The following TPBGL variants were observed in gnomAD, a reference collection of about 807,000 sequenced individuals.
The protein encoded by TPBGL is trophoblast glycoprotein-like.
For missense variants in TPBGL, 685 were observed against 609.4 expected, an observed-to-expected ratio of 1.12 and a Z score of -1.31; for synonymous variants, 380 against 314.8, an observed-to-expected ratio of 1.21 and a Z score of -2.19.
At position 75,241,931 on chromosome 11, in the gene TPBGL, A is replaced by T. The variant is rs1175877891; in HGVS notation, c.882A>T (p.Gly294=). The T allele has an allele frequency of 5.6e-5, 83 of 1,482,376 alleles. No individual in the cohort carries two copies. The highest frequency in any genetic ancestry group is 7.2e-5 in the Non-Finnish European group (81 of 1,118,990). 91.8% of individuals were successfully genotyped at this position (1,482,376 alleles called of 1,614,324 possible). The change falls in exon 1 of 1, where the codon GGA becomes GGT. Residue 294 remains glycine (G), a synonymous_variant. Transcript: ENST00000562197. ...RCADSGADAR[G]EEAEAAGPEL... ...CGGACAGCGGCGCCGACGCTCGCGG[A>T]GAGGAGGCGGAGGCCGCCGGCCCGG...
At position 75,241,710 on chromosome 11, in the gene TPBGL, GAT is replaced by G; in HGVS notation, c.662_663del (p.Asp221GlyfsTer193). Reference sequence around the variant, plus strand: ...CGACGAGCTGCGCGCGCTGGAGCGCGATGGCGGCCTCCCCGGGCCGCGCCTGC... The same window carrying G: ...CGACGAGCTGCGCGCGCTGGAGCGCGGGCGGCCTCCCCGGGCCGCGCCTGC... ...DPDELRALER[D>X]GGLPGPRLLL... On this transcript the variant is annotated frameshift_variant, in exon 1 of 1. Coordinates refer to ENST00000562197, the MANE Select transcript of TPBGL (RefSeq NM_001195528.2). LOFTEE classifies it low-confidence loss of function (END_TRUNC). 1 of 1,265,926 alleles carries G rather than the reference GAT, an allele frequency of 7.9e-7. No individual in the cohort carries two copies. The highest frequency in any genetic ancestry group is 1.0e-6 in the Non-Finnish European group (1 of 1,004,302). 78.4% of individuals were successfully genotyped at this position (1,265,926 alleles called of 1,614,324 possible). A position where few individuals can be genotyped will look rare whatever the true frequency, so the allele number is the denominator to read the frequency against.
Position 75,242,159 on chromosome 11 carries a change from C to A in TPBGL, c.1110C>A (p.Pro370=), listed in dbSNP as rs1380259980. The A allele has an allele frequency of 4.2e-6, 5 of 1,188,740 alleles. No individual in the cohort carries two copies. Among genetic ancestry groups the A allele is most frequent in the Non-Finnish European group, 5.2e-6 (5 of 963,920 alleles). 73.6% of individuals were successfully genotyped at this position (1,188,740 alleles called of 1,614,324 possible). ...GCCGCGCGCCCGCGCCCGCCGCGCC[C>A]GCGGGCTCCCGCGCCACCTCCCCGG... ...DPRRAPAPAA[P]AGSRATSPGS... Residue 370 remains proline (P), a synonymous_variant, in exon 1 of 1, where the codon CCC becomes CCA. Coordinates refer to ENST00000562197, the MANE Select transcript of TPBGL (RefSeq NM_001195528.2).
Position 75,240,928 on chromosome 11 carries a change from G to A in TPBGL, c.-122G>A, listed in dbSNP as rs901646025. The A allele has an allele frequency of 3.1e-6, 2 of 654,430 alleles. No homozygotes were observed. The highest frequency in any genetic ancestry group is 4.8e-5 in the Admixed American group (1 of 20,900). 40.5% of individuals were successfully genotyped at this position (654,430 alleles called of 1,614,324 possible). On this transcript the variant is annotated 5_prime_UTR_variant, in exon 1 of 1. Transcript: ENST00000562197. ...TCCTCAGACTTTCGAGACAGCGAAC[G>A]GACCGACCGGGACTGCCAGCCGCTC... is the stretch of plus-strand genomic sequence containing the variant.
In TPBGL at chr11:75,241,389, T is replaced by C; in HGVS notation, c.340T>C (p.Phe114Leu). 1 of 1,370,378 alleles carries C rather than the reference T, an allele frequency of 7.3e-7. No individual in the cohort carries two copies. Among genetic ancestry groups the C allele is most frequent in the Non-Finnish European group, 9.4e-7 (1 of 1,062,336 alleles). The allele number at this position is 1,370,378 out of a possible 1,614,324, so 84.9% of individuals were successfully genotyped here. Reference sequence around the variant, plus strand: ...CATCGAGGTGGTGGAGGACGGCGCCTTCGACGGGCTGCCCAGCCTGGCGGC... The same window carrying C: ...CATCGAGGTGGTGGAGGACGGCGCCCTCGACGGGCTGCCCAGCCTGGCGGC... ...NHIEVVEDGA[F>L]DGLPSLAALD... The change falls in exon 1 of 1, where the codon TTC (phenylalanine) becomes CTC (leucine). Residue 114 changes from phenylalanine (F) to leucine (L), a missense_variant. Phe to Leu is a conservative substitution (Grantham distance 22, BLOSUM62 0). Coordinates refer to ENST00000562197, the MANE Select transcript of TPBGL (RefSeq NM_001195528.2).
rs1327579594 is a variant in TPBGL, at chr11:75,241,209, C to G, written c.160C>G (p.Arg54Gly). Residue 54 changes from arginine (R) to glycine (G), a missense_variant, in exon 1 of 1, where the codon CGG (arginine) becomes GGG (glycine). Coordinates refer to ENST00000562197, the MANE Select transcript of TPBGL (RefSeq NM_001195528.2). ...ASGAELRQPP[R>G]DVPPDARNLT... The stretch of plus-strand genomic sequence containing the variant: ...GGGAGCCGAGCTCCGCCAGCCTCCG[C>G]GGGACGTGCCGCCCGACGCGCGCAA... 39 of 1,444,786 alleles carry G rather than the reference C, an allele frequency of 2.7e-5. No individual in the cohort carries two copies. Among genetic ancestry groups the G allele is most frequent in the Non-Finnish European group, 3.5e-5 (39 of 1,101,378 alleles). 89.5% of individuals were successfully genotyped at this position (1,444,786 alleles called of 1,614,324 possible).
rs1945595016 is a variant in TPBGL at position 75,241,204 on chromosome 11, C to T, written c.155C>T (p.Pro52Leu). 6.9e-7 allele frequency: 1 copy of T among 1,447,542 alleles called. No homozygotes were observed. The highest frequency in any genetic ancestry group is 1.5e-5 in the African/African-American group (1 of 67,484). 89.7% of individuals were successfully genotyped at this position (1,447,542 alleles called of 1,614,324 possible). Residue 52 changes from proline to leucine, a missense_variant, in exon 1 of 1, where the codon CCT becomes CTT. Coordinates refer to ENST00000562197, the MANE Select transcript of TPBGL (RefSeq NM_001195528.2). The stretch of plus-strand genomic sequence containing the variant: ...GCGTCGGGAGCCGAGCTCCGCCAGC[C>T]TCCGCGGGACGTGCCGCCCGACGCG... ...RCASGAELRQPPRDVPPDARN... is the reference protein window; with the variant it reads ...RCASGAELRQLPRDVPPDARN...
At position 75,240,893 on chromosome 11, in the gene TPBGL, T is replaced by C; in HGVS notation, c.-157T>C. 2.4e-6 allele frequency: 1 copy of C among 420,248 alleles called. No homozygotes were observed. Among genetic ancestry groups the C allele is most frequent in the Non-Finnish European group, 3.8e-6 (1 of 266,590 alleles). 26.0% of individuals were successfully genotyped at this position (420,248 alleles called of 1,614,324 possible). ...CTCTTGCCCCCGGCCAGTCAGCCAG[T>C]AAGTGCGGCTCCTCAGACTTTCGAG... On this transcript the variant is annotated 5_prime_UTR_variant, in exon 1 of 1. Coordinates refer to ENST00000562197, the MANE Select transcript of TPBGL (RefSeq NM_001195528.2).
chr11:75,241,970 C>T lies in TPBGL; in HGVS notation c.921C>T (p.Ser307=), dbSNP rs751450115. 1.3e-5 allele frequency: 19 copies of T among 1,499,550 alleles called. No individual in the cohort carries two copies. The highest frequency in any genetic ancestry group is 2.1e-5 in the Admixed American group (1 of 47,660). The allele number at this position is 1,499,550 out of a possible 1,614,324, so 92.9% of individuals were successfully genotyped here. Residue 307 remains serine (S), a synonymous_variant, in exon 1 of 1, where the codon TCC becomes TCT. Transcript: ENST00000562197. ...CCGCCGGCCCGGAGCTGGAAGCCTC[C>T]TACGTGTTCTTCGGGCTGGTGCTGG... ...AEAAGPELEA[S]YVFFGLVLAL... is the part of the protein sequence containing the mutation.
Position 75,241,817 on chromosome 11 carries a change from G to T in TPBGL, c.768G>T (p.Val256=). 1 of 1,289,864 alleles carries T rather than the reference G, an allele frequency of 7.8e-7. No homozygotes were observed. The highest frequency in any genetic ancestry group is 9.8e-7 in the Non-Finnish European group (1 of 1,022,528). The allele number at this position is 1,289,864 out of a possible 1,614,324, so 79.9% of individuals were successfully genotyped here. The change falls in exon 1 of 1, where the codon GTG becomes GTT. Residue 256 remains valine (V), a synonymous_variant. Transcript: ENST00000562197. ...GGCTGCGCAACGCCACGGAGCGCGT[G>T]CCCGACTCGCGGCGCCTGCGCTGCG... ...LAWLRNATER[V]PDSRRLRCAA... is the part of the protein sequence containing the mutation.
rs1202774789 is a variant in TPBGL at position 75,241,106 on chromosome 11, G to A, written c.57G>A (p.Ala19=). 2 of 1,384,032 alleles carry A rather than the reference G, an allele frequency of 1.4e-6. No homozygotes were observed. The highest frequency in any genetic ancestry group is 1.9e-6 in the Non-Finnish European group (2 of 1,065,690). 85.7% of individuals were successfully genotyped at this position (1,384,032 alleles called of 1,614,324 possible). ...GLQGLLLVAA[A]LSQPAAPCPF... is the part of the protein sequence containing the mutation. The stretch of plus-strand genomic sequence containing the variant: ...AGGGGCTGCTGCTCGTGGCGGCGGC[G>A]CTGAGCCAGCCCGCGGCACCCTGCC... Residue 19 remains alanine, a synonymous_variant, in exon 1 of 1, where the codon GCG becomes GCA. Coordinates refer to ENST00000562197, the MANE Select transcript of TPBGL (RefSeq NM_001195528.2).
Position 75,241,433 on chromosome 11 carries a change from C to A in TPBGL, c.384C>A (p.Asn128Lys). ...PSLAALDLSH[N>K]PLRALGGGAF... The stretch of plus-strand genomic sequence containing the variant: ...TGGCGGCGCTCGACCTCAGCCACAA[C>A]CCGCTGCGCGCCCTGGGCGGCGGCG... Residue 128 changes from asparagine (N) to lysine (K), a missense_variant, in exon 1 of 1, where the codon AAC becomes AAA. By Grantham distance (94) the Asn-to-Lys change is moderately conservative. Coordinates refer to ENST00000562197, the MANE Select transcript of TPBGL (RefSeq NM_001195528.2). 2.3e-6 allele frequency: 3 copies of A among 1,305,500 alleles called. No individual in the cohort carries two copies. Among genetic ancestry groups the A allele is most frequent in the Non-Finnish European group, 2.9e-6 (3 of 1,028,652 alleles). The allele number at this position is 1,305,500 out of a possible 1,614,324, so 80.9% of individuals were successfully genotyped here. A position where few individuals can be genotyped will look rare whatever the true frequency, so the allele number is the denominator to read the frequency against.
In TPBGL at chr11:75,240,954, C is replaced by A; in HGVS notation, c.-96C>A. ...GACCGACCGGGACTGCCAGCCGCTC[C>A]GGGTCAAGGACTCGCCCCACCCGTG... On this transcript the variant is annotated 5_prime_UTR_variant, in exon 1 of 1. Coordinates refer to ENST00000562197, the MANE Select transcript of TPBGL (RefSeq NM_001195528.2). 1 of 936,232 alleles carries A rather than the reference C, an allele frequency of 1.1e-6. No individual in the cohort carries two copies. Among genetic ancestry groups the A allele is most frequent in the Non-Finnish European group, 1.4e-6 (1 of 733,800 alleles). The allele number at this position is 936,232 out of a possible 1,614,324, so 58.0% of individuals were successfully genotyped here.
chr11:75,240,782 C>G lies in TPBGL; in HGVS notation c.-268C>G, dbSNP rs972131304. ...GGAGGCAAACCCTGCCCACTCGGCT[C>G]GGAGCCCGGAGCGGCCGCGGAAGCC... On this transcript the variant is annotated 5_prime_UTR_variant, in exon 1 of 1. Coordinates refer to ENST00000562197, the MANE Select transcript of TPBGL (RefSeq NM_001195528.2). 2.3e-5 allele frequency: 6 copies of G among 255,714 alleles called. No individual in the cohort carries two copies. The highest frequency in any genetic ancestry group is 1.5e-5 in the Non-Finnish European group (2 of 136,152). 15.8% of individuals were successfully genotyped at this position (255,714 alleles called of 1,614,324 possible). A position where few individuals can be genotyped will look rare whatever the true frequency, so the allele number is the denominator to read the frequency against.
rs1380505977 is a variant in TPBGL, at chr11:75,241,404, A to T, written c.355A>T (p.Ser119Cys). 7 of 1,360,518 alleles carry T rather than the reference A, an allele frequency of 5.1e-6. No individual in the cohort carries two copies. In the South Asian group the frequency reaches 1.1e-4, roughly 22 times the overall value. 84.3% of individuals were successfully genotyped at this position (1,360,518 alleles called of 1,614,324 possible). A position where few individuals can be genotyped will look rare whatever the true frequency, so the allele number is the denominator to read the frequency against. ...GGACGGCGCCTTCGACGGGCTGCCC[A>T]GCCTGGCGGCGCTCGACCTCAGCCA... ...VEDGAFDGLP[S>C]LAALDLSHNP... The change falls in exon 1 of 1, where the codon AGC (serine) becomes TGC (cysteine). Residue 119 changes from serine (S) to cysteine (C), a missense_variant. Ser to Cys is a moderately radical substitution (Grantham distance 112, BLOSUM62 -1). Coordinates refer to ENST00000562197, the MANE Select transcript of TPBGL (RefSeq NM_001195528.2).
Position 75,240,915 on chromosome 11 carries a change from C to T in TPBGL, c.-135C>T. Reference sequence around the variant, plus strand: ...CAGTAAGTGCGGCTCCTCAGACTTTCGAGACAGCGAACGGACCGACCGGGA... The same window carrying T: ...CAGTAAGTGCGGCTCCTCAGACTTTTGAGACAGCGAACGGACCGACCGGGA... On this transcript the variant is annotated 5_prime_UTR_variant, in exon 1 of 1. Coordinates refer to ENST00000562197, the MANE Select transcript of TPBGL (RefSeq NM_001195528.2). 1.8e-6 allele frequency: 1 copy of T among 556,260 alleles called. No homozygotes were observed. The highest frequency in any genetic ancestry group is 2.6e-6 in the Non-Finnish European group (1 of 389,498). 34.5% of individuals were successfully genotyped at this position (556,260 alleles called of 1,614,324 possible). A position where few individuals can be genotyped will look rare whatever the true frequency, so the allele number is the denominator to read the frequency against.
chr11:75,243,034 C>T lies in TPBGL; in HGVS notation c.*836C>T, dbSNP rs1945613950. The T allele has an allele frequency of 6.6e-6, 1 of 152,012 alleles. No homozygotes were observed. The highest frequency in any genetic ancestry group is 2.1e-4 in the South Asian group (1 of 4,816). The allele number at this position is 152,012 out of a possible 1,614,324, so 9.4% of individuals were successfully genotyped here. A position where few individuals can be genotyped will look rare whatever the true frequency, so the allele number is the denominator to read the frequency against. ...TTGGCTCTTGACCCCCCCCCCATAC[C>T]CAATGCTGGCACTCAGCACCCACCC... On this transcript the variant is annotated 3_prime_UTR_variant, in exon 1 of 1. Coordinates refer to ENST00000562197, the MANE Select transcript of TPBGL (RefSeq NM_001195528.2).
In TPBGL at chr11:75,241,255, A is replaced by G; in HGVS notation, c.206A>G (p.Asn69Ser). 7.1e-7 allele frequency: 1 copy of G among 1,406,322 alleles called. No homozygotes were observed. The allele number at this position is 1,406,322 out of a possible 1,614,324, so 87.1% of individuals were successfully genotyped here. A position where few individuals can be genotyped will look rare whatever the true frequency, so the allele number is the denominator to read the frequency against. The change falls in exon 1 of 1, where the codon AAC becomes AGC. Residue 69 changes from asparagine (N) to serine (S), a missense_variant. Asn to Ser is a conservative substitution (Grantham distance 46, BLOSUM62 1). Transcript: ENST00000562197. ...CGCAACCTCACCATCGTAGGCGCCA[A>G]CCTGACGGTGCTGCGCGCGGCCGCC... ...DARNLTIVGA[N>S]LTVLRAAAFA...
In TPBGL at chr11:75,241,901, CTGCGCGGACA is replaced by C; in HGVS notation, c.853_862del (p.Cys285AlafsTer41). ...TGGACCTGGACGGGGCGCGGCTTCG[CTGCGCGGACA>C]GCGGCGCCGACGCTCGCGGAGAGGA... On this transcript the variant is annotated frameshift_variant, in exon 1 of 1. Coordinates refer to ENST00000562197, the MANE Select transcript of TPBGL (RefSeq NM_001195528.2). LOFTEE classifies it low-confidence loss of function (END_TRUNC). 1 of 1,474,342 alleles carries C rather than the reference CTGCGCGGACA, an allele frequency of 6.8e-7. No homozygotes were observed. 91.3% of individuals were successfully genotyped at this position (1,474,342 alleles called of 1,614,324 possible).
Position 75,241,651 on chromosome 11 carries a change from A to C in TPBGL, c.602A>C (p.Asp201Ala), listed in dbSNP as rs1356584396. 1 of 1,311,160 alleles carries C rather than the reference A, an allele frequency of 7.6e-7. No individual in the cohort carries two copies. Among genetic ancestry groups the C allele is most frequent in the Non-Finnish European group, 9.8e-7 (1 of 1,024,324 alleles). The allele number at this position is 1,311,160 out of a possible 1,614,324, so 81.2% of individuals were successfully genotyped here. The change falls in exon 1 of 1, where the codon GAC becomes GCC. Residue 201 changes from aspartate (D) to alanine (A), a missense_variant. Coordinates refer to ENST00000562197, the MANE Select transcript of TPBGL (RefSeq NM_001195528.2). Reference protein sequence around the residue: ...ALRLARLEQLDVRLNALAGLD... With the variant: ...ALRLARLEQLAVRLNALAGLD... Reference sequence around the variant, plus strand: ...CGCCTGGCGCGCCTGGAGCAGCTGGACGTGCGCCTCAACGCGCTGGCCGGC... The same window carrying C: ...CGCCTGGCGCGCCTGGAGCAGCTGGCCGTGCGCCTCAACGCGCTGGCCGGC...
Sources: gnomAD v4.1 joint callset for allele counts on GRCh38, gnomAD v4.1.1 for gene constraint, MANE v1.5 for transcripts, NCBI Gene and HGNC (gene_info 2026-07-23, HGNC 2026-07-21) for gene names.